CELSR1: variants seen among roughly 807,000 people sequenced by gnomAD.
CELSR1 encodes cadherin EGF LAG seven-pass G-type receptor 1, also known as adhesion G protein-coupled receptor C1.
In CELSR1, 110 loss-of-function variants were observed where a neutral mutation model predicts 249.1. That is an observed-to-expected ratio of 0.44 (90% CI 0.38 to 0.52). The LOEUF is 0.52. Ranked by LOEUF, CELSR1 falls within the 20% of genes least tolerant of loss-of-function variation. The pLI, the probability that CELSR1 is intolerant of heterozygous loss-of-function variation, is 0.00. For synonymous variants in CELSR1, 2,113 were observed against 1,900.0 expected (o/e 1.11, Z -2.92); for missense variants, 4,109 against 4,296.4 (o/e 0.96, Z 1.22).
At chr22:46,439,125 G>T in intron 3 of CELSR1, 64 bp downstream of exon 3, 4 of 1,427,890 alleles carry the variant, frequency 2.8e-6, no homozygotes, top group Non-Finnish European at 2.9e-6. Flanking sequence ...GGGATGGGGT[G>T]CACGGAGAAG....
At chr22:46,466,829 G>T (rs1324661775) in intron 1 of CELSR1, among the ~76,000 whole-genome samples, 2 of 152,194 alleles carry the variant, frequency 1.3e-5, no homozygotes. Context: ...GAGGCCTCTG[G>T]GAGGTAATGT....
intron 20 of CELSR1, 33 bp downstream of exon 20, chr22:46,384,510 C>G (rs776941162): frequency 6.4e-7 from 1 of 1,557,334 alleles, no homozygotes; most frequent in African/African-American, 1.4e-5. Context: ...CTGGGGACTC[C>G]GAGGGCAGCA....
intron 5 of CELSR1, among the ~76,000 whole-genome samples, chr22:46,414,562 T>G (rs1419906746): frequency 6.6e-6 from 1 of 150,672 alleles, no homozygotes; most frequent in African/African-American, 2.5e-5. Context: ...TCTCGGCGAG[T>G]GTGGGTTAAA....
chr22:46,455,709 G>A (rs899838037), intron 2 of CELSR1, among the ~76,000 whole-genome samples: 3 of 152,190 alleles, frequency 2.0e-5, no homozygotes, highest in East Asian at 1.9e-4. Flanking sequence ...TGTGAGGACC[G>A]TGCTGGGCTC....
At chr22:46,443,193 C>T (rs576796838) in intron 2 of CELSR1, among the ~76,000 whole-genome samples, 40 of 152,328 alleles carry the variant, frequency 2.6e-4, no homozygotes, top group African/African-American at 8.2e-4. Flanking sequence ...GGGCTGAAAT[C>T]GCTGACGTTT....
chr22:46,429,987 GT>G lies in CELSR1; in HGVS notation c.4611+3405del, dbSNP rs1368137980. ...CACTGGAGCACCCCATCTGCTTCCT[GT>G]GGGGACCCTGACTGCTCCACCAGCC... is the stretch of plus-strand genomic sequence containing the variant. On this transcript the variant is annotated intron_variant, in intron 5 of 34. Transcript: ENST00000674500. The surrounding 1 kb of genome is among the most constrained non-coding windows in gnomAD (Gnocchi z 4.1). Among the ~76,000 whole-genome samples the G allele has an allele frequency of 6.6e-6, 1 of 152,238 alleles. No individual in the cohort carries two copies. Among genetic ancestry groups the G allele is most frequent in the African/African-American group, 2.4e-5 (1 of 41,466 alleles).
In CELSR1 at chr22:46,515,847, C is replaced by T. The variant is rs971564613; in HGVS notation, c.3544+17780G>A. Among the ~76,000 whole-genome samples, 3 of 152,134 alleles carry T rather than the reference C, an allele frequency of 2.0e-5. 1 individual carries two copies. Among genetic ancestry groups the T allele is most frequent in the African/African-American group, 7.2e-5 (3 of 41,422 alleles). On this transcript the variant is annotated intron_variant, in intron 1 of 34. Coordinates refer to ENST00000674500, the MANE Select transcript of CELSR1 (RefSeq NM_001378328.1). Reference sequence around the variant, plus strand: ...CACTGACCAGCATCCACAGCACAGTCGACTGGGGTTAAGAAAGTAGGAATG... The same window carrying T: ...CACTGACCAGCATCCACAGCACAGTTGACTGGGGTTAAGAAAGTAGGAATG...
intron 2 of CELSR1, among the ~76,000 whole-genome samples, chr22:46,458,745 T>C (rs914272770): frequency 2.0e-5 from 3 of 152,172 alleles, no homozygotes; most frequent in African/African-American, 4.8e-5. Flanking sequence ...CGCCTGGTGC[T>C]GCACCTGGGT....
rs1569182773 is a variant in CELSR1, at chr22:46,463,973, ATGT to A, written c.3914_3916del (p.Asn1305del). The stretch of plus-strand genomic sequence containing the variant: ...GTTCTCGCAGGGCTCGCGCAGGCAG[ATGT>A]TGTCGTCGAAGGGCAGCACGCGCTG... On this transcript the variant is annotated inframe_deletion, in exon 2 of 35. Coordinates refer to ENST00000674500, the MANE Select transcript of CELSR1 (RefSeq NM_001378328.1). 6.2e-7 allele frequency: 1 copy of A among 1,613,960 alleles called. No homozygotes were observed. The highest frequency in any genetic ancestry group is 8.5e-7 in the Non-Finnish European group (1 of 1,180,034).
intron 1 of CELSR1, among the ~76,000 whole-genome samples, chr22:46,489,818 C>T (rs2080350240): frequency 6.6e-6 from 1 of 151,792 alleles, no homozygotes; most frequent in Non-Finnish European, 1.5e-5. Flanking sequence ...TTGCTTGAAC[C>T]CGGGAGACAG....
rs1289221680 is a variant in CELSR1, at chr22:46,527,543, G to C, written c.3544+6084C>G. On this transcript the variant is annotated intron_variant, in intron 1 of 34. Coordinates refer to ENST00000674500, the MANE Select transcript of CELSR1 (RefSeq NM_001378328.1). This position sits in a 1 kb window ranked among gnomAD's most constrained non-coding sequence, Gnocchi z 5.5. ...CTCTACCCCTGAGCTCAGCCCCCTT[G>C]CTCATCGGATGGTCCATCTCCACCC... is the stretch of plus-strand genomic sequence containing the variant. Among the ~76,000 whole-genome samples, 1 of 152,194 alleles carries C rather than the reference G, an allele frequency of 6.6e-6. No individual in the cohort carries two copies. Among genetic ancestry groups the C allele is most frequent in the Non-Finnish European group, 1.5e-5 (1 of 68,036 alleles).
chr22:46,376,401 G>A (rs1005864135), intron 24 of CELSR1, among the ~76,000 whole-genome samples: 9 of 152,170 alleles, frequency 5.9e-5, no homozygotes, highest in African/African-American at 2.2e-4. Context: ...TTTTGAGACA[G>A]TCTCGCTCTA....
In CELSR1 at chr22:46,427,818, T is replaced by C. The variant is rs2079552673; in HGVS notation, c.4611+5575A>G. Reference sequence around the variant, plus strand: ...CCTCACCCAGGGGACCACACAACTGTCTAACCACGGCAGATCTGTAGAGCC... The same window carrying C: ...CCTCACCCAGGGGACCACACAACTGCCTAACCACGGCAGATCTGTAGAGCC... On this transcript the variant is annotated intron_variant, in intron 5 of 34. Transcript: ENST00000674500. The surrounding 1 kb of genome is among the most constrained non-coding windows in gnomAD (Gnocchi z 4.2). 6.6e-6 allele frequency among the ~76,000 whole-genome samples: 1 copy of C among 151,930 alleles called. No homozygotes were observed. Among genetic ancestry groups the C allele is most frequent in the African/African-American group, 2.4e-5 (1 of 41,336 alleles).
intron 1 of CELSR1, among the ~76,000 whole-genome samples, chr22:46,491,639 T>TC (rs1555929157): frequency 0.32 from 8,226 of 25,778 alleles, 766 homozygotes; most frequent in African/African-American, 0.47. Context: ...CTCTCTCTCT[T>TC]TTTTTTTTTT....
intron 5 of CELSR1, among the ~76,000 whole-genome samples, chr22:46,415,830 T>C (rs528104853): frequency 2.9e-4 from 44 of 152,274 alleles, no homozygotes; most frequent in African/African-American, 1.0e-3. Context: ...GAGAGGCGCA[T>C]GGACAATTAC....
rs117046590 is a variant in CELSR1 at position 46,512,219 on chromosome 22, G to A, written c.3544+21408C>T. Among the ~76,000 whole-genome samples the A allele has an allele frequency of 5.3e-3, 809 of 151,934 alleles. 5 individuals carry two copies. The highest frequency in any genetic ancestry group is 0.011 in the South Asian group (52 of 4,818). ...GCTCACAGCTAGGGGCAGGTGTCCC[G>A]GATTTGCAGAGGAGGACCAAGAAGC... On this transcript the variant is annotated intron_variant, in intron 1 of 34. Coordinates refer to ENST00000674500, the MANE Select transcript of CELSR1 (RefSeq NM_001378328.1). This position sits in a 1 kb window ranked among gnomAD's most constrained non-coding sequence, Gnocchi z 5.2.
At chr22:46,495,097 T>A (rs746685374) in intron 1 of CELSR1, among the ~76,000 whole-genome samples, 13 of 152,168 alleles carry the variant, frequency 8.5e-5, no homozygotes, top group African/African-American at 3.1e-4. Context: ...ACACCTAGAC[T>A]ATGGTAAAAC....
At chr22:46,367,410 G>A (rs1280204598) in intron 28 of CELSR1, among the ~76,000 whole-genome samples, 1 of 152,214 alleles carries the variant, frequency 6.6e-6, no homozygotes, top group Admixed American at 6.5e-5. Flanking sequence ...GGGCCCCTCT[G>A]GGGTCCCCAC....
chr22:46,365,195 C>T, intron 32 of CELSR1, 36 bp downstream of exon 32: 1 of 1,598,872 alleles, frequency 6.3e-7, no homozygotes. Context: ...CCGCTGTCCA[C>T]AGCCCAGCCT....
Sources: allele counts gnomAD v4.1 joint callset (sites outside exome capture counted in the v4.1 genomes callset), GRCh38; gene constraint gnomAD v4.1.1; non-coding constraint Gnocchi (gnomAD v3.1); transcripts MANE v1.5; gene names NCBI Gene and HGNC (gene_info 2026-07-23, HGNC 2026-07-21).